Variants in MPDZ observed in about 807,000 individuals in gnomAD.
MPDZ encodes the protein multiple PDZ domain protein.
In MPDZ, 234 loss-of-function variants were observed where a neutral mutation model predicts 239.1. The observed-to-expected ratio is 0.98, with a 90% CI of 0.88 to 1.09. The LOEUF (loss-of-function observed/expected upper bound fraction) is 1.09, where lower values mean the gene tolerates loss of function less well. MPDZ is among the 50% of genes least tolerant of loss of function. MPDZ has a pLI of 0.00. For synonymous variants in MPDZ, 1,048 were observed against 881.3 expected (o/e 1.19, Z -3.35); for missense variants, 3,175 against 2,510.0 (o/e 1.26, Z -5.66).
At chr9:13,231,438 G>A (rs1267857036) in intron 3 of MPDZ, among the ~76,000 whole-genome samples, 2 of 151,962 alleles carry the variant, frequency 1.3e-5, no homozygotes, top group African/African-American at 2.4e-5. Flanking sequence ...ATGGTTGTAC[G>A]CACCCATAAT....
Position 13,161,696 on chromosome 9 carries a change from C to A in MPDZ, c.3359+995G>T, listed in dbSNP as rs571226303. On this transcript the variant is annotated intron_variant, in intron 23 of 46. Coordinates refer to ENST00000319217, the MANE Select transcript of MPDZ (RefSeq NM_001378778.1). ...CAGTTGCCAGCACAACTGAAAAACA[C>A]AGGCCCACAACTGAGAGTGTAAAAT... Among the ~76,000 whole-genome samples, 4 of 152,222 alleles carry A rather than the reference C, an allele frequency of 2.6e-5. No individual in the cohort carries two copies. In the South Asian group the frequency reaches 6.2e-4, roughly 24 times the overall value.
At chr9:13,127,372 G>A (rs1029315576) in intron 32 of MPDZ, among the ~76,000 whole-genome samples, 3 of 152,196 alleles carry the variant, frequency 2.0e-5, no homozygotes, top group South Asian at 2.1e-4. Flanking sequence ...CAAGGCTGGG[G>A]AGCTACACCT....
rs1365003502 is a variant in MPDZ at position 13,121,845 on chromosome 9, A to G, written c.5125T>C (p.Tyr1709His). ...QTPQRVRLTL[Y>H]RDEAPYKEEE... ...TCTTTGTATGGGGCCTCATCTCTGT[A>G]GAGTGTCAGGCGCACTCTCTGTGGC... The change falls in exon 38 of 47, where the codon TAC becomes CAC. Residue 1709 changes from tyrosine (Y) to histidine (H), a missense_variant. Tyr to His is a moderately conservative substitution (Grantham distance 83, BLOSUM62 2). Coordinates refer to ENST00000319217, the MANE Select transcript of MPDZ (RefSeq NM_001378778.1). 6.2e-7 allele frequency: 1 copy of G among 1,613,888 alleles called. No individual in the cohort carries two copies. The highest frequency in any genetic ancestry group is 2.2e-5 in the East Asian group (1 of 44,880).
chr9:13,171,279 C>T (rs1361610118), intron 21 of MPDZ, among the ~76,000 whole-genome samples: 1 of 152,140 alleles, frequency 6.6e-6, no homozygotes, highest in East Asian at 1.9e-4. Context: ...ATCAAGGTTA[C>T]ATTGCTCCCT....
intron 43 of MPDZ, 68 bp downstream of exon 43, chr9:13,111,956 G>A: frequency 1.3e-6 from 2 of 1,550,120 alleles, no homozygotes; most frequent in South Asian, 1.2e-5. Context: ...AGGTAGCCAG[G>A]TTCAAAGGTT....
chr9:13,120,203 T>A (rs779564865), intron 38 of MPDZ: 1 of 152,128 alleles, frequency 6.6e-6, no homozygotes, highest in Non-Finnish European at 1.5e-5. Context: ...GATAGGTTTA[T>A]GCAAAATAAA....
chr9:13,113,150 C>A (rs562388389), intron 41 of MPDZ, 96 bp from the exon 42 acceptor site: 39 of 1,149,442 alleles, frequency 3.4e-5, no homozygotes, highest in South Asian at 1.6e-5. Context: ...TAAATGATAA[C>A]CTAGGTTTCT....
chr9:13,159,084 CT>C (rs896866244), intron 23 of MPDZ, among the ~76,000 whole-genome samples: 2 of 152,136 alleles, frequency 1.3e-5, no homozygotes, highest in African/African-American at 2.4e-5. Context: ...CCATTCTCCC[CT>C]GACAGGAATA....
At chr9:13,112,979 A>G (rs1258136499) in intron 42 of MPDZ, 32 bp downstream of exon 42, 1 of 1,557,968 alleles carries the variant, frequency 6.4e-7, no homozygotes, top group Non-Finnish European at 8.7e-7. Flanking sequence ...TTAAAACGCC[A>G]GGGTTTATAT....
intron 2 of MPDZ, among the ~76,000 whole-genome samples, chr9:13,249,296 C>T (rs1767979794): frequency 6.6e-6 from 1 of 152,084 alleles, no homozygotes; most frequent in Non-Finnish European, 1.5e-5. Flanking sequence ...CAACTCAGCA[C>T]AAAACAGAAT....
At chr9:13,143,056 A>C (rs975985101) in intron 27 of MPDZ, among the ~76,000 whole-genome samples, 4 of 152,274 alleles carry the variant, frequency 2.6e-5, no homozygotes, top group South Asian at 4.1e-4. Context: ...TGCAGTGATT[A>C]ACTCATGGAA....
intron 3 of MPDZ, among the ~76,000 whole-genome samples, chr9:13,236,197 A>ATG (rs377695828): frequency 0.075 from 5,747 of 76,720 alleles, 295 homozygotes; most frequent in African/African-American, 0.11. Flanking sequence ...TTCTGTATAT[A>ATG]TGTGTGTGTG....
intron 2 of MPDZ, among the ~76,000 whole-genome samples, chr9:13,248,244 A>G (rs1427776698): frequency 6.6e-6 from 1 of 150,940 alleles, no homozygotes; most frequent in African/African-American, 2.4e-5. Flanking sequence ...AAAAAAAAAA[A>G]CCTGTAGAGA....
intron 3 of MPDZ, among the ~76,000 whole-genome samples, chr9:13,231,803 A>G (rs1405684755): frequency 6.6e-6 from 1 of 152,230 alleles, no homozygotes; most frequent in East Asian, 1.9e-4. Context: ...ACTAGACAGA[A>G]AAGCTATAGA....
chr9:13,279,224 A>C (rs867823365), intron 1 of MPDZ, 176 bp downstream of exon 1: 47 of 121,544 alleles, frequency 3.9e-4, no homozygotes, highest in African/African-American at 1.1e-3. Flanking sequence ...GCACCGCCCC[A>C]CCGCCCCACG....
chr9:13,159,572 G>A (rs1950222960), intron 23 of MPDZ, among the ~76,000 whole-genome samples: 1 of 152,124 alleles, frequency 6.6e-6, no homozygotes, highest in African/African-American at 2.4e-5. Flanking sequence ...AGAGTTAGAA[G>A]ACAGACAAGA....
At chr9:13,229,040 T>C (rs567234098) in intron 3 of MPDZ, among the ~76,000 whole-genome samples, 1 of 152,224 alleles carries the variant, frequency 6.6e-6, no homozygotes, top group East Asian at 1.9e-4. Context: ...AAGTTCCTCA[T>C]TTGCAGGTGT....
intron 38 of MPDZ, among the ~76,000 whole-genome samples, 183 bp downstream of exon 38, chr9:13,121,556 A>G (rs1021030040): frequency 6.6e-6 from 1 of 152,178 alleles, no homozygotes; most frequent in Non-Finnish European, 1.5e-5. Flanking sequence ...AAACCTTCCA[A>G]TATTCTGATT....
chr9:13,189,390 T>C (rs1376120209), intron 16 of MPDZ, among the ~76,000 whole-genome samples: 1 of 152,102 alleles, frequency 6.6e-6, no homozygotes, highest in Non-Finnish European at 1.5e-5. Flanking sequence ...AACTCACTAC[T>C]AGATATAAGT....
Sources: allele counts gnomAD v4.1 joint callset (sites outside exome capture counted in the v4.1 genomes callset), GRCh38; gene constraint gnomAD v4.1.1; transcripts MANE v1.5; gene names NCBI Gene and HGNC (gene_info 2026-07-23, HGNC 2026-07-21).